Variants in RIMS3 observed in about 807,000 individuals in gnomAD.
RIMS3 encodes the protein regulating synaptic membrane exocytosis protein 3.
RIMS3 carries 15 observed loss-of-function variants against 29.2 expected under a neutral mutation model. The observed-to-expected ratio is 0.51, with a 90% CI of 0.34 to 0.79. The LOEUF (loss-of-function observed/expected upper bound fraction) is 0.79, where lower values mean the gene tolerates loss of function less well. Among genes scored for constraint, RIMS3 ranks in the 30% least tolerant of loss-of-function variants. The pLI is 0.01. For missense variants in RIMS3, 342 were observed against 421.4 expected, an observed-to-expected ratio of 0.81 and a Z score of 1.65; for synonymous variants, 161 against 170.1, an observed-to-expected ratio of 0.95 and a Z score of 0.41.
intron 1 of RIMS3, among the ~76,000 whole-genome samples, chr1:40,662,323 C>A (rs575976198): frequency 3.2e-4 from 49 of 152,280 alleles, no homozygotes; most frequent in African/African-American, 1.2e-3. Flanking sequence ...AATTCCTTGG[C>A]ACCCTTCATG....
intron 4 of RIMS3, among the ~76,000 whole-genome samples, chr1:40,633,919 A>C (rs1374510235): frequency 6.6e-6 from 1 of 152,362 alleles, no homozygotes; most frequent in East Asian, 1.9e-4. Flanking sequence ...AACAAAATTC[A>C]TAGGGTTTTA....
chr1:40,631,269 A>G (rs1204273864), intron 5 of RIMS3, among the ~76,000 whole-genome samples: 1 of 152,180 alleles, frequency 6.6e-6, no homozygotes, highest in Non-Finnish European at 1.5e-5. Context: ...CTGAGAGCTC[A>G]TGAAATGGGC....
chr1:40,660,591 G>A (rs1642338399), intron 1 of RIMS3, among the ~76,000 whole-genome samples: 1 of 151,812 alleles, frequency 6.6e-6, no homozygotes, highest in South Asian at 2.1e-4. Flanking sequence ...TGTTGCCCAG[G>A]CTGGTCTTGA....
chr1:40,670,394 C>T (rs1477183364), upstream of RIMS3, among the ~76,000 whole-genome samples: 1 of 151,478 alleles, frequency 6.6e-6, no homozygotes, highest in Admixed American at 6.6e-5. Flanking sequence ...TCAGCCAGAT[C>T]AACAAGCCAA....
the RIMS3 span, chr1:40,681,371 T>C: frequency 1.3e-5 from 2 of 151,548 alleles, no homozygotes; most frequent in Admixed American, 1.3e-4. Context: ...GAAGTGGATT[T>C]TGACCCCAGA....
chr1:40,635,916 G>T lies in RIMS3; in HGVS notation c.359C>A (p.Thr120Lys). Residue 120 changes from threonine to lysine, a missense_variant and splice_region_variant, in exon 4 of 8, where the codon ACG (threonine) becomes AAG (lysine). Physicochemically the swap from Thr to Lys is moderately conservative, Grantham distance 78 (BLOSUM62 -1). Transcript: ENST00000372684. The surrounding 1 kb of genome is among the most constrained non-coding windows in gnomAD (Gnocchi z 4.1). ...GSTNSNSSDGTFIFPTTRLGA... is the reference protein window; with the variant it reads ...GSTNSNSSDGKFIFPTTRLGA... Reference sequence around the variant, plus strand: ...GACCACAGCACGGGGCTGCACGCACGTGCCGTCGGAGCTGTTGCTGTTGGT... The same window carrying T: ...GACCACAGCACGGGGCTGCACGCACTTGCCGTCGGAGCTGTTGCTGTTGGT... 1.2e-6 allele frequency: 2 copies of T among 1,612,748 alleles called. No individual in the cohort carries two copies. The highest frequency in any genetic ancestry group is 1.7e-6 in the Non-Finnish European group (2 of 1,179,906).
At chr1:40,629,486 C>T (rs904760602) in intron 5 of RIMS3, 114 bp from the exon 6 acceptor site, 51 of 884,516 alleles carry the variant, frequency 5.8e-5, no homozygotes, top group Non-Finnish European at 8.1e-5. Flanking sequence ...AGAAAGGGAA[C>T]AAGATGGCAC....
intron 1 of RIMS3, among the ~76,000 whole-genome samples, chr1:40,659,233 C>T (rs1406124901): frequency 6.6e-6 from 1 of 152,152 alleles, no homozygotes; most frequent in Non-Finnish European, 1.5e-5. Context: ...AGACCCAAAA[C>T]AGCCTGGTGT....
upstream of RIMS3, among the ~76,000 whole-genome samples, chr1:40,670,572 T>TTTTATATA (rs1553146610): frequency 1.1e-3 from 45 of 40,152 alleles, 1 homozygote; most frequent in African/African-American, 6.6e-3. Context: ...TTAGTTATAA[T>TTTTATATA]TTTATATATA....
At chr1:40,674,363 C>T in the RIMS3 span, among the ~76,000 whole-genome samples, 55 of 152,320 alleles carry the variant, frequency 3.6e-4, no homozygotes, top group African/African-American at 1.3e-3. Context: ...GCTGCCCAGA[C>T]CACAAACCCT....
chr1:40,663,656 G>A (rs556657018), intron 1 of RIMS3, among the ~76,000 whole-genome samples: 1 of 152,302 alleles, frequency 6.6e-6, no homozygotes, highest in South Asian at 2.1e-4. Flanking sequence ...TTTAGGCCTG[G>A]GTTCTGCGCA....
At chr1:40,685,135 T>C in the RIMS3 span, among the ~76,000 whole-genome samples, 2 of 151,902 alleles carry the variant, frequency 1.3e-5, no homozygotes, top group Non-Finnish European at 2.9e-5. Flanking sequence ...TGGGTCATGT[T>C]CCTACTCCTG....
At chr1:40,666,230 C>T (rs1017130246), upstream of RIMS3, among the ~76,000 whole-genome samples, 19 of 152,204 alleles carry the variant, frequency 1.2e-4, no homozygotes, top group Non-Finnish European at 2.8e-4. Flanking sequence ...TAACCTGCTT[C>T]CCCTGCGCTC....
chr1:40,680,893 C>T, the RIMS3 span, among the ~76,000 whole-genome samples: 6 of 152,128 alleles, frequency 3.9e-5, no homozygotes, highest in Non-Finnish European at 7.3e-5. Flanking sequence ...TAAAACATAA[C>T]TCTTGATTGT....
Position 40,635,801 on chromosome 1 carries a change from GA to G in RIMS3, c.359+114del. The G allele has an allele frequency of 7.3e-7, 1 of 1,366,922 alleles. No homozygotes were observed. The highest frequency in any genetic ancestry group is 1.0e-6 in the Non-Finnish European group (1 of 988,174). 84.7% of individuals were successfully genotyped at this position (1,366,922 alleles called of 1,614,324 possible). A position where few individuals can be genotyped will look rare whatever the true frequency, so the allele number is the denominator to read the frequency against. ...TATGAAGGAAGGCAGAGACACAGAGGACCCAGACATTTTAGCTGGAAACAAA... is the reference window on the plus strand; with the variant it reads ...TATGAAGGAAGGCAGAGACACAGAGGCCCAGACATTTTAGCTGGAAACAAA... On this transcript the variant is annotated intron_variant, in intron 4 of 7. Transcript: ENST00000372684. The surrounding 1 kb of genome is among the most constrained non-coding windows in gnomAD (Gnocchi z 4.1).
intron 1 of RIMS3, among the ~76,000 whole-genome samples, chr1:40,655,402 C>T (rs1035730800): frequency 6.6e-6 from 1 of 152,138 alleles, no homozygotes; most frequent in Non-Finnish European, 1.5e-5. Flanking sequence ...GGGCATCCTA[C>T]CACATCCAGA....
At chr1:40,642,219 G>T (rs575333338) in intron 2 of RIMS3, among the ~76,000 whole-genome samples, 1 of 152,300 alleles carries the variant, frequency 6.6e-6, no homozygotes, top group African/African-American at 2.4e-5. Flanking sequence ...ACATGGCCCG[G>T]GCTTGAATTC....
At position 40,641,940 on chromosome 1, in the gene RIMS3, C is replaced by G. The variant is rs2076332; in HGVS notation, c.-15G>C. 0.26 allele frequency: 421,088 copies of G among 1,608,080 alleles called. 56,312 individuals carry two copies. Among genetic ancestry groups the G allele is most frequent in the Non-Finnish European group, 0.27 (322,141 of 1,176,064 alleles). The stretch of plus-strand genomic sequence containing the variant: ...CCGTTAAACATGGTCCCCGGGGTGG[C>G]AGGGCCTCAGGCAGCTCTGAAGATG... On this transcript the variant is annotated 5_prime_UTR_variant, in exon 3 of 8. Transcript: ENST00000372684.
chr1:40,628,686 T>G, intron 7 of RIMS3, 124 bp downstream of exon 7: 17 of 1,318,702 alleles, frequency 1.3e-5, no homozygotes, highest in Non-Finnish European at 1.9e-5. Flanking sequence ...TGAAAGTAAA[T>G]GAGTAACGCA....
Sources: gnomAD v4.1 joint callset for allele counts (sites outside exome capture counted in the v4.1 genomes callset) on GRCh38, gnomAD v4.1.1 for gene constraint, Gnocchi (gnomAD v3.1) non-coding constraint, MANE v1.5 for transcripts, NCBI Gene and HGNC (gene_info 2026-07-23, HGNC 2026-07-21) for gene names.